Variants in ADAM12 observed in about 807,000 individuals in gnomAD.
ADAM12 encodes disintegrin and metalloproteinase domain-containing protein 12.
Under a neutral mutation model 106.4 loss-of-function variants are expected in ADAM12, and 70 were observed. The observed-to-expected ratio is 0.66, with a 90% confidence interval of 0.54 to 0.80. The LOEUF (loss-of-function observed/expected upper bound fraction) is 0.80. Ranked by LOEUF, ADAM12 falls within the 30% of genes least tolerant of loss-of-function variation. ADAM12 has a pLI of 0.00. For synonymous variants in ADAM12, 420 were observed against 433.5 expected, an observed-to-expected ratio of 0.97 and a Z score of 0.39; for missense variants, 1,010 against 1,171.9, an observed-to-expected ratio of 0.86 and a Z score of 2.02.
chr10:126,383,383 G>C (rs976833638), intron 1 of ADAM12, among the ~76,000 whole-genome samples: 1 of 152,090 alleles, frequency 6.6e-6, no homozygotes, highest in Non-Finnish European at 1.5e-5. Context: ...CAGGAGGCTG[G>C]GACATTCAGC....
chr10:126,182,081 C>T (rs1326470605), intron 3 of ADAM12, among the ~76,000 whole-genome samples: 1 of 152,236 alleles, frequency 6.6e-6, no homozygotes, highest in Non-Finnish European at 1.5e-5. Context: ...CAACGCAGTG[C>T]ATCCCAGGAA....
chr10:126,244,973 A>C (rs1386819474), intron 3 of ADAM12, among the ~76,000 whole-genome samples: 1 of 152,202 alleles, frequency 6.6e-6, no homozygotes, highest in Non-Finnish European at 1.5e-5. Flanking sequence ...ACATCCAGCT[A>C]TGTTTGAAGA....
chr10:126,233,493 G>A lies in ADAM12; in HGVS notation c.260+45422C>T, dbSNP rs572087500. 5.9e-5 allele frequency among the ~76,000 whole-genome samples: 9 copies of A among 152,202 alleles called. No homozygotes were observed. The East Asian group carries it at 9.7e-4, about 16-fold the overall frequency. On this transcript the variant is annotated intron_variant, in intron 3 of 22. Coordinates refer to ENST00000448723, the MANE Select transcript of ADAM12 (RefSeq NM_001288973.2). ...AAAGAGAGAAAAGTAGAGAGGCACC[G>A]CAGGGCCCACATGGTTTGGGTGGGC...
chr10:126,171,253 G>T (rs376329315), intron 3 of ADAM12, among the ~76,000 whole-genome samples: 1 of 152,024 alleles, frequency 6.6e-6, no homozygotes, highest in Non-Finnish European at 1.5e-5. Flanking sequence ...GCTAGGCAGG[G>T]TAATTCTTAT....
rs2133677065 is a variant in ADAM12 at position 126,249,132 on chromosome 10, T to C, written c.260+29783A>G. On this transcript the variant is annotated intron_variant, in intron 3 of 22. Transcript: ENST00000448723. ...ACTCTACCTGAGGCCACACAGCTTA[T>C]GTTTCTCCTAAGTCTTGCCTCCTCT... is the stretch of plus-strand genomic sequence containing the variant. Among the ~76,000 whole-genome samples the C allele has an allele frequency of 2.0e-5, 3 of 152,322 alleles. No homozygotes were observed. In the South Asian group the frequency reaches 6.2e-4, roughly 32 times the overall value.
Position 126,025,583 on chromosome 10 carries a change from C to T in ADAM12, c.2530-5758G>A, listed in dbSNP as rs150617479. 3.2e-3 allele frequency among the ~76,000 whole-genome samples: 494 copies of T among 152,132 alleles called. 2 individuals carry two copies. Among genetic ancestry groups the T allele is most frequent in the African/African-American group, 0.011 (449 of 41,492 alleles). On this transcript the variant is annotated intron_variant, in intron 21 of 22. Coordinates refer to ENST00000448723, the MANE Select transcript of ADAM12 (RefSeq NM_001288973.2). ...AAGTGATTGGGGTACCCAAAAGAGA[C>T]GGGCAGAACAGAGCCCCCCCAGCAA...
At chr10:126,197,669 T>C (rs1957622870) in intron 3 of ADAM12, among the ~76,000 whole-genome samples, 1 of 152,224 alleles carries the variant, frequency 6.6e-6, no homozygotes, top group South Asian at 2.1e-4. Flanking sequence ...GAAACAGACC[T>C]GGGTTTGGCA....
intron 16 of ADAM12, 104 bp from the exon 17 acceptor site, chr10:126,046,236 G>C (rs1469026678): frequency 1.9e-6 from 2 of 1,032,286 alleles, no homozygotes; most frequent in African/African-American, 3.2e-5. Context: ...AGAAAGCTTG[G>C]AGAAGACCCA....
chr10:126,220,761 G>A, intron 3 of ADAM12, among the ~76,000 whole-genome samples: 1 of 152,190 alleles, frequency 6.6e-6, no homozygotes, highest in Non-Finnish European at 1.5e-5. Context: ...GTGAGCAGTT[G>A]GAAAGTCTAG....
At chr10:126,336,184 TA>T (rs1564740809) in intron 1 of ADAM12, among the ~76,000 whole-genome samples, 1 of 152,198 alleles carries the variant, frequency 6.6e-6, no homozygotes, top group East Asian at 1.9e-4. Context: ...ATGTTAAGAA[TA>T]GGGGAAATGG....
intron 6 of ADAM12, 68 bp from the exon 7 acceptor site, chr10:126,109,908 T>C (rs2133600250): frequency 1.4e-6 from 2 of 1,476,890 alleles, no homozygotes; most frequent in Non-Finnish European, 9.3e-7. Flanking sequence ...TCAATGTCTC[T>C]CAATCTAAAC....
At chr10:126,372,384 C>T (rs1010363895) in intron 1 of ADAM12, among the ~76,000 whole-genome samples, 16 of 152,202 alleles carry the variant, frequency 1.1e-4, no homozygotes, top group Non-Finnish European at 2.1e-4. Flanking sequence ...GGGAGGTAGG[C>T]TGCATCCTTG....
intron 21 of ADAM12, among the ~76,000 whole-genome samples, chr10:126,026,529 AAC>A (rs896577508): frequency 6.6e-6 from 1 of 152,200 alleles, no homozygotes; most frequent in Non-Finnish European, 1.5e-5. Context: ...TCAGAAGTAA[AAC>A]ACTCCTCAGC....
intron 3 of ADAM12, among the ~76,000 whole-genome samples, chr10:126,215,677 G>A (rs74957458): frequency 6.6e-6 from 1 of 152,304 alleles, no homozygotes; most frequent in East Asian, 1.9e-4. Flanking sequence ...AGAACTCAAT[G>A]AGGAAGACAA....
intron 1 of ADAM12, among the ~76,000 whole-genome samples, chr10:126,352,321 T>C (rs934803960): frequency 6.6e-6 from 1 of 152,210 alleles, no homozygotes; most frequent in Non-Finnish European, 1.5e-5. Flanking sequence ...TCAATTTATC[T>C]TTATAGTATT....
chr10:126,226,676 G>A (rs1342865385), intron 3 of ADAM12, among the ~76,000 whole-genome samples: 2 of 152,208 alleles, frequency 1.3e-5, no homozygotes, highest in African/African-American at 4.8e-5. Context: ...TGCATGTAGA[G>A]AGCTTGGCTT....
intron 18 of ADAM12, among the ~76,000 whole-genome samples, 186 bp downstream of exon 18, chr10:126,042,854 A>C (rs1416960963): frequency 6.6e-6 from 1 of 152,236 alleles, no homozygotes; most frequent in Non-Finnish European, 1.5e-5. Context: ...AAGGAGCCTC[A>C]GAGAAGATCG....
intron 3 of ADAM12, among the ~76,000 whole-genome samples, chr10:126,241,491 G>A (rs757699044): frequency 2.6e-5 from 4 of 152,130 alleles, no homozygotes; most frequent in African/African-American, 4.8e-5. Context: ...CCTGACTTGC[G>A]CTCAAACTGG....
At chr10:126,234,563 G>C (rs1411988516) in intron 3 of ADAM12, among the ~76,000 whole-genome samples, 1 of 152,184 alleles carries the variant, frequency 6.6e-6, no homozygotes, top group Non-Finnish European at 1.5e-5. Flanking sequence ...TAATGAGTTG[G>C]GTATGGAGGA....
Sources: gnomAD v4.1 joint callset for allele counts (sites outside exome capture counted in the v4.1 genomes callset) on GRCh38, gnomAD v4.1.1 for gene constraint, MANE v1.5 for transcripts, NCBI Gene and HGNC (gene_info 2026-07-23, HGNC 2026-07-21) for gene names.